Variants in MAP3K19 observed in about 807,000 individuals in gnomAD.
MAP3K19 encodes the protein SPS1/STE20-related protein kinase YSK4.
A neutral mutation model predicts 114.4 loss-of-function variants in MAP3K19; 91 were observed. The ratio of observed to expected loss-of-function variants is 0.80; its 90% confidence interval spans 0.67 to 0.95. The LOEUF (loss-of-function observed/expected upper bound fraction) is 0.95, where lower values mean the gene tolerates loss of function less well. Ranked by LOEUF, MAP3K19 falls within the 40% of genes least tolerant of loss-of-function variation. The pLI is 0.00. For missense variants in MAP3K19, 1,471 were observed against 1,573.2 expected (o/e 0.94, Z 1.10); for synonymous variants, 518 against 530.5 (o/e 0.98, Z 0.32).
At chr2:134,982,136 G>GAGAC (rs1684721057) in intron 11 of MAP3K19, among the ~76,000 whole-genome samples, 1 of 83,150 alleles carries the variant, frequency 1.2e-5, no homozygotes, top group Admixed American at 1.3e-4. Flanking sequence ...TTTTTTTTTG[G>GAGAC]AGACAGAGTC....
intron 5 of MAP3K19, among the ~76,000 whole-genome samples, chr2:135,008,871 T>C (rs1687017616): frequency 6.6e-6 from 1 of 152,126 alleles, no homozygotes; most frequent in South Asian, 2.1e-4. Flanking sequence ...CTTGAACTCC[T>C]GGGCTCAGGT....
chr2:135,018,499 G>C (rs1226693623), intron 5 of MAP3K19, among the ~76,000 whole-genome samples: 1 of 152,042 alleles, frequency 6.6e-6, no homozygotes, highest in African/African-American at 2.4e-5. Flanking sequence ...ACCATGCCCA[G>C]CTAATTTTTA....
At chr2:135,016,676 A>T (rs1050646375) in intron 5 of MAP3K19, among the ~76,000 whole-genome samples, 11 of 152,306 alleles carry the variant, frequency 7.2e-5, no homozygotes, top group South Asian at 6.2e-4. Context: ...TCTTCTTAAA[A>T]TTTTCAGCAA....
At chr2:134,971,347 G>A (rs1414743558) in intron 12 of MAP3K19, among the ~76,000 whole-genome samples, 3 of 152,180 alleles carry the variant, frequency 2.0e-5, no homozygotes, top group Admixed American at 1.3e-4. Flanking sequence ...TTTTGTATCT[G>A]TGTTCATCAA....
At chr2:135,047,034 A>G (rs910665532) in intron 1 of MAP3K19, among the ~76,000 whole-genome samples, 151 bp downstream of exon 1, 2 of 152,262 alleles carry the variant, frequency 1.3e-5, no homozygotes, top group Non-Finnish European at 2.9e-5. Flanking sequence ...ATAGTTTATT[A>G]CAACTCCAAG....
In MAP3K19 at chr2:134,987,016, T is replaced by C; in HGVS notation, c.1856A>G (p.Lys619Arg). 1 of 1,613,460 alleles carries C rather than the reference T, an allele frequency of 6.2e-7. No homozygotes were observed. The change falls in exon 10 of 13, where the codon AAA becomes AGA. Residue 619 changes from lysine to arginine, a missense_variant. Physicochemically the swap from Lys to Arg is conservative, Grantham distance 26. Transcript: ENST00000392915. ...PKKQSFPCIC[K>R]NPGTQKSCVP... is the part of the protein sequence containing the mutation. ...ACATGACTTCTGTGTTCCTGGATTT[T>C]TACAGATGCAAGGAAATGATTGCTT...
rs143812085 is a variant in MAP3K19, at chr2:134,998,101, C to T, written c.574+637G>A. On this transcript the variant is annotated intron_variant, in intron 8 of 12. Coordinates refer to ENST00000392915, the MANE Select transcript of MAP3K19 (RefSeq NM_025052.5). ...TGCTGGCATCAGTGCTGCTATCTAG[C>T]AAATGAGTCTTGGGCTCAATGTAGT... Among the ~76,000 whole-genome samples, 198 of 152,220 alleles carry T rather than the reference C, an allele frequency of 1.3e-3. 1 individual carries two copies. Among genetic ancestry groups the T allele is most frequent in the African/African-American group, 4.3e-3 (178 of 41,538 alleles).
rs540511800 is a variant in MAP3K19 at position 135,033,314 on chromosome 2, C to T, written c.-283-2814G>A. Among the ~76,000 whole-genome samples, 30 of 120,826 alleles carry T rather than the reference C, an allele frequency of 2.5e-4. 3 individuals carry two copies. The East Asian group carries it at 5.1e-3, about 21-fold the overall frequency. 79.3% of individuals were successfully genotyped at this position (120,826 alleles called of 152,430 possible). ...GGGGCTCCTCACCTCCCAGTAGGAG[C>T]GGCTGGGCAGAGGCGCCCCTCACCT... On this transcript the variant is annotated intron_variant, in intron 2 of 12. Coordinates refer to ENST00000392915, the MANE Select transcript of MAP3K19 (RefSeq NM_025052.5).
chr2:135,037,109 G>A (rs1261016023), intron 2 of MAP3K19, among the ~76,000 whole-genome samples: 1 of 151,984 alleles, frequency 6.6e-6, no homozygotes, highest in African/African-American at 2.4e-5. Context: ...CAATTCTCCG[G>A]CCTCAGCCTC....
At chr2:135,004,155 TTATCTCCATATGGAGCAGAA>T (rs1686645003) in intron 6 of MAP3K19, among the ~76,000 whole-genome samples, 1 of 152,160 alleles carries the variant, frequency 6.6e-6, no homozygotes, top group Admixed American at 6.5e-5. Flanking sequence ...AAATGGTGAG[TTATCTCCATATGGAGCAGAA>T]TAAATGAAAT....
At chr2:135,023,734 T>A (rs1688136787) in intron 4 of MAP3K19, 1 of 367,230 alleles carries the variant, frequency 2.7e-6, no homozygotes, top group South Asian at 2.1e-5. Context: ...CAAGGACACA[T>A]TCCCTAGTTC....
intron 12 of MAP3K19, among the ~76,000 whole-genome samples, chr2:134,975,824 C>T (rs1684197662): frequency 6.6e-6 from 1 of 152,176 alleles, no homozygotes; most frequent in Non-Finnish European, 1.5e-5. Context: ...CAGTGGCACA[C>T]ACTTCAGCCT....
chr2:135,002,370 A>T (rs1355750487), intron 6 of MAP3K19, among the ~76,000 whole-genome samples: 2 of 152,118 alleles, frequency 1.3e-5, no homozygotes, highest in African/African-American at 4.8e-5. Flanking sequence ...TTCAATAAAG[A>T]AAAATTATTT....
intron 2 of MAP3K19, among the ~76,000 whole-genome samples, chr2:135,039,049 T>G (rs1346583634): frequency 2.0e-5 from 3 of 151,878 alleles, no homozygotes; most frequent in Non-Finnish European, 4.4e-5. Context: ...AGAGAGGGCT[T>G]TTGAGGCATG....
In MAP3K19 at chr2:135,003,658, G is replaced by A. The variant is rs185737216; in HGVS notation, c.235+1777C>T. On this transcript the variant is annotated intron_variant, in intron 6 of 12. Transcript: ENST00000392915. ...CAACCTCCGCCTCCCGGGTTCAAAC[G>A]ATTCTTCTGCCTCAGCCTCCCGAGT... is the stretch of plus-strand genomic sequence containing the variant. Among the ~76,000 whole-genome samples, 317 of 151,558 alleles carry A rather than the reference G, an allele frequency of 2.1e-3. 1 individual carries two copies. The highest frequency in any genetic ancestry group is 6.9e-3 in the African/African-American group (287 of 41,340).
Position 134,988,235 on chromosome 2 carries a change from A to G in MAP3K19, c.637T>C (p.Ser213Pro), listed in dbSNP as rs1400742032. The G allele has an allele frequency of 6.4e-7, 1 of 1,573,558 alleles. No individual in the cohort carries two copies. The highest frequency in any genetic ancestry group is 8.6e-7 in the Non-Finnish European group (1 of 1,165,030). The change falls in exon 10 of 13, where the codon TCA becomes CCA. Residue 213 changes from serine (S) to proline (P), a missense_variant. By Grantham distance (74) the Ser-to-Pro change is moderately conservative (BLOSUM62 -1). Coordinates refer to ENST00000392915, the MANE Select transcript of MAP3K19 (RefSeq NM_025052.5). The stretch of plus-strand genomic sequence containing the variant: ...ACACCAGATCGCGTGGGCAAGAGTG[A>G]CAGTGGTGGCAGAAGGAACTAAAAG... ...RSIKFLLPPL[S>P]LLPTRSGVLT...
At chr2:135,015,960 G>T (rs1193352909) in intron 5 of MAP3K19, among the ~76,000 whole-genome samples, 1 of 152,052 alleles carries the variant, frequency 6.6e-6, no homozygotes, top group African/African-American at 2.4e-5. Flanking sequence ...CTTTCAAAAG[G>T]GTTAGTGTGG....
chr2:134,975,474 C>T (rs1684172752), intron 12 of MAP3K19, among the ~76,000 whole-genome samples: 1 of 152,132 alleles, frequency 6.6e-6, no homozygotes, highest in South Asian at 2.1e-4. Flanking sequence ...GCTTGGTTGA[C>T]CTTTCCTCAG....
chr2:135,002,037 G>T (rs1233553917), intron 6 of MAP3K19, among the ~76,000 whole-genome samples: 1 of 152,216 alleles, frequency 6.6e-6, no homozygotes, highest in East Asian at 1.9e-4. Flanking sequence ...AATACTGTGA[G>T]TTGCTGACGT....
Sources: allele counts gnomAD v4.1 joint callset (sites outside exome capture counted in the v4.1 genomes callset), GRCh38; gene constraint gnomAD v4.1.1; transcripts MANE v1.5; gene names NCBI Gene and HGNC (gene_info 2026-07-23, HGNC 2026-07-21).